The following NRG1 variants were observed in gnomAD, a reference collection of about 807,000 sequenced individuals.
The protein encoded by NRG1 is pro-neuregulin-1, membrane-bound isoform.
In NRG1, 18 loss-of-function variants were observed where a neutral mutation model predicts 63.8. The observed-to-expected ratio is 0.28, with a 90% CI of 0.19 to 0.42. The LOEUF is 0.42. NRG1 is among the 10% of genes least tolerant of loss of function. The probability of loss-of-function intolerance (pLI) is 1.00; values close to 1 mark genes in which losing one functional copy is unlikely to be tolerated. For synonymous variants in NRG1, 302 were observed against 301.3 expected (o/e 1.00, Z -0.02); for missense variants, 762 against 814.7 (o/e 0.94, Z 0.79).
At chr8:32,266,673 A>T (rs1209677278) in intron 1 of NRG1, among the ~76,000 whole-genome samples, 1 of 152,142 alleles carries the variant, frequency 6.6e-6, no homozygotes, top group Admixed American at 6.5e-5. Context: ...GTGTATCTAC[A>T]GTTCTGAAGA....
At chr8:32,464,571 T>G (rs1382123027) in intron 1 of NRG1, among the ~76,000 whole-genome samples, 1 of 152,214 alleles carries the variant, frequency 6.6e-6, no homozygotes, top group Non-Finnish European at 1.5e-5. Flanking sequence ...CATTTTTCAC[T>G]TAGAAAATGT....
At chr8:32,244,922 C>A (rs1277549249) in intron 1 of NRG1, among the ~76,000 whole-genome samples, 1 of 152,100 alleles carries the variant, frequency 6.6e-6, no homozygotes, top group Non-Finnish European at 1.5e-5. Context: ...CTGAGCATAC[C>A]AGTCCAGCAA....
At chr8:32,057,995 T>A (rs1010257414) in intron 1 of NRG1, among the ~76,000 whole-genome samples, 1 of 152,128 alleles carries the variant, frequency 6.6e-6, no homozygotes, top group Non-Finnish European at 1.5e-5. Flanking sequence ...GAGAATAGTT[T>A]GAATGTTTCT....
At chr8:31,855,574 A>C (rs1329478994) in intron 1 of NRG1, among the ~76,000 whole-genome samples, 2 of 152,124 alleles carry the variant, frequency 1.3e-5, no homozygotes, top group Non-Finnish European at 1.5e-5. Flanking sequence ...CCAGTTTGCC[A>C]GTCTGTGTCT....
At chr8:31,705,912 G>A (rs1811104183) in intron 1 of NRG1, among the ~76,000 whole-genome samples, 1 of 152,162 alleles carries the variant, frequency 6.6e-6, no homozygotes, top group African/African-American at 2.4e-5. Context: ...GGGAACAATG[G>A]CCATGTGATG....
intron 1 of NRG1, among the ~76,000 whole-genome samples, chr8:31,914,460 A>T (rs934558147): frequency 1.3e-5 from 2 of 151,954 alleles, no homozygotes; most frequent in African/African-American, 4.8e-5. Context: ...ATTTGAGAAA[A>T]TATAGAATTT....
intron 1 of NRG1, among the ~76,000 whole-genome samples, chr8:32,472,725 T>C (rs1184382667): frequency 1.3e-5 from 2 of 152,152 alleles, no homozygotes; most frequent in African/African-American, 4.8e-5. Context: ...TGGGAGTGCT[T>C]TGTGTTTTGT....
intron 1 of NRG1, among the ~76,000 whole-genome samples, chr8:32,284,041 T>G (rs1223699327): frequency 6.6e-6 from 1 of 152,180 alleles, no homozygotes; most frequent in Non-Finnish European, 1.5e-5. Context: ...CTGGAGAGTC[T>G]CTTGGGCCAC....
intron 1 of NRG1, among the ~76,000 whole-genome samples, chr8:32,369,522 G>T (rs1312343251): frequency 2.0e-5 from 3 of 152,198 alleles, no homozygotes; most frequent in African/African-American, 4.8e-5. Context: ...CACAGCGAAC[G>T]TGGTGTGGAC....
intron 1 of NRG1, among the ~76,000 whole-genome samples, chr8:31,855,358 A>C (rs946551237): frequency 6.6e-6 from 1 of 152,080 alleles, no homozygotes; most frequent in Non-Finnish European, 1.5e-5. Flanking sequence ...TCCCTTTACC[A>C]TTATGTAATG....
At chr8:32,239,017 A>G (rs1847846594) in intron 1 of NRG1, among the ~76,000 whole-genome samples, 1 of 152,178 alleles carries the variant, frequency 6.6e-6, no homozygotes, top group African/African-American at 2.4e-5. Flanking sequence ...ACAGGTTTCA[A>G]TTTTGGTTGT....
At chr8:32,699,987 TAA>T (rs1669907972) in intron 5 of NRG1, among the ~76,000 whole-genome samples, 1 of 152,200 alleles carries the variant, frequency 6.6e-6, no homozygotes, top group Non-Finnish European at 1.5e-5. Context: ...GTGTTTTTAG[TAA>T]AGTCACAATG....
At chr8:32,699,674 G>C (rs950182119) in intron 5 of NRG1, among the ~76,000 whole-genome samples, 2 of 152,006 alleles carry the variant, frequency 1.3e-5, no homozygotes, top group Non-Finnish European at 2.9e-5. Context: ...GATTGGTACG[G>C]CTTTTGAGAT....
At chr8:32,080,662 A>G (rs536380572) in intron 1 of NRG1, among the ~76,000 whole-genome samples, 1 of 152,080 alleles carries the variant, frequency 6.6e-6, no homozygotes, top group African/African-American at 2.4e-5. Context: ...TTCTGAGATG[A>G]TATTTCCAGA....
At chr8:32,497,532 C>A (rs942113544) in intron 1 of NRG1, among the ~76,000 whole-genome samples, 6 of 150,268 alleles carry the variant, frequency 4.0e-5, no homozygotes, top group African/African-American at 1.5e-4. Context: ...CATTTTTTAA[C>A]TTACAGATTG....
chr8:32,215,788 T>C (rs1203895722), intron 1 of NRG1, among the ~76,000 whole-genome samples: 1 of 152,178 alleles, frequency 6.6e-6, no homozygotes, highest in Non-Finnish European at 1.5e-5. Flanking sequence ...ACACCTGTAA[T>C]CCCAGCAATT....
downstream of NRG1, among the ~76,000 whole-genome samples, chr8:32,771,540 T>G (rs1831789076): frequency 6.6e-6 from 1 of 150,722 alleles, no homozygotes; most frequent in Middle Eastern, 3.4e-3. Flanking sequence ...ATTATTAATA[T>G]AATTTTACAG....
intron 7 of NRG1, among the ~76,000 whole-genome samples, chr8:32,750,150 AC>A (rs1828395081): frequency 6.6e-6 from 1 of 152,180 alleles, no homozygotes; most frequent in Non-Finnish European, 1.5e-5. Flanking sequence ...CTCAAGCACC[AC>A]CCTAGTCAAC....
chr8:31,703,267 C>T (rs1228338009), intron 1 of NRG1, among the ~76,000 whole-genome samples: 4 of 151,568 alleles, frequency 2.6e-5, no homozygotes. Flanking sequence ...CTACAGCCCT[C>T]ATTTACAACT....
Sources: allele counts gnomAD v4.1 joint callset (sites outside exome capture counted in the v4.1 genomes callset), GRCh38; gene constraint gnomAD v4.1.1; transcripts MANE v1.5; gene names NCBI Gene and HGNC (gene_info 2026-07-23, HGNC 2026-07-21).